Variants in HMGCLL1 observed in about 807,000 individuals in gnomAD.
HMGCLL1 encodes the protein 3-hydroxy-3-methylglutaryl-CoA lyase like 1.
Under a neutral mutation model 39.1 loss-of-function variants are expected in HMGCLL1, and 36 were observed. The ratio of observed to expected loss-of-function variants is 0.92; its 90% CI spans 0.71 to 1.22. HMGCLL1 has a LOEUF of 1.22. Ranked by LOEUF, HMGCLL1 falls within the 50% of genes most tolerant of loss-of-function variation. HMGCLL1 has a pLI of 0.00. For missense variants in HMGCLL1, 451 were observed against 416.5 expected, an observed-to-expected ratio of 1.08 and a Z score of -0.72; for synonymous variants, 149 against 144.0, an observed-to-expected ratio of 1.03 and a Z score of -0.25.
chr6:55,479,521 A>G (rs1340399920), intron 7 of HMGCLL1, among the ~76,000 whole-genome samples: 5 of 151,478 alleles, frequency 3.3e-5, no homozygotes, highest in Non-Finnish European at 7.4e-5. Context: ...TGCCACTCTC[A>G]TCCTACCTTT....
At chr6:55,670,528 A>G in the HMGCLL1 span, among the ~76,000 whole-genome samples, 1 of 151,878 alleles carries the variant, frequency 6.6e-6, no homozygotes, top group Non-Finnish European at 1.5e-5. Flanking sequence ...GATTGTCAAT[A>G]TATGTAGATG....
At chr6:55,651,829 G>T in the HMGCLL1 span, among the ~76,000 whole-genome samples, 5 of 152,216 alleles carry the variant, frequency 3.3e-5, no homozygotes, top group African/African-American at 1.2e-4. Context: ...ATGTACAGGT[G>T]CTGGCTTAGC....
chr6:55,674,405 A>G, the HMGCLL1 span, among the ~76,000 whole-genome samples: 1 of 151,956 alleles, frequency 6.6e-6, no homozygotes, highest in Non-Finnish European at 1.5e-5. Context: ...TTAAAAAAAA[A>G]AAGAAAAAAA....
intron 1 of HMGCLL1, among the ~76,000 whole-genome samples, chr6:55,547,974 T>C (rs1196637074): frequency 6.6e-6 from 1 of 151,994 alleles, no homozygotes. Context: ...GAAAGGTGAC[T>C]CAACAAAGCT....
the HMGCLL1 span, among the ~76,000 whole-genome samples, chr6:55,616,760 TAAAC>T: frequency 3.3e-5 from 5 of 152,048 alleles, no homozygotes; most frequent in African/African-American, 1.2e-4. Flanking sequence ...TTTAAAAAAT[TAAAC>T]AAACTAGAAG....
intron 7 of HMGCLL1, among the ~76,000 whole-genome samples, chr6:55,471,146 G>T (rs1472423541): frequency 4.0e-5 from 6 of 151,688 alleles, no homozygotes; most frequent in Non-Finnish European, 8.8e-5. Flanking sequence ...TGGTAAATTT[G>T]TCTTTTTTTG....
chr6:55,478,213 A>G (rs957592128), intron 7 of HMGCLL1, among the ~76,000 whole-genome samples: 2 of 151,060 alleles, frequency 1.3e-5, no homozygotes, highest in Non-Finnish European at 2.9e-5. Flanking sequence ...TGCTACATGT[A>G]TAATATTTTG....
chr6:55,554,429 G>T (rs1770539953), intron 1 of HMGCLL1, among the ~76,000 whole-genome samples: 1 of 151,848 alleles, frequency 6.6e-6, no homozygotes, highest in Admixed American at 6.6e-5. Context: ...CACAGGATAA[G>T]GTTTGAATTG....
At chr6:55,585,606 T>A in the HMGCLL1 span, among the ~76,000 whole-genome samples, 1 of 152,104 alleles carries the variant, frequency 6.6e-6, no homozygotes, top group Non-Finnish European at 1.5e-5. Flanking sequence ...CACTATCAAT[T>A]ATAATTATAA....
At chr6:55,556,449 C>G (rs1268584668) in intron 1 of HMGCLL1, among the ~76,000 whole-genome samples, 2 of 151,884 alleles carry the variant, frequency 1.3e-5, no homozygotes, top group African/African-American at 4.8e-5. Context: ...GGAAATGTGC[C>G]CAGGGTGTTA....
intron 8 of HMGCLL1, among the ~76,000 whole-genome samples, chr6:55,438,736 A>C (rs1214519666): frequency 2.0e-5 from 3 of 152,112 alleles, no homozygotes; most frequent in Non-Finnish European, 4.4e-5. Flanking sequence ...GAGTAAAAAA[A>C]TTCATTTTAC....
the HMGCLL1 span, among the ~76,000 whole-genome samples, chr6:55,652,950 A>G: frequency 6.6e-6 from 1 of 152,222 alleles, no homozygotes; most frequent in African/African-American, 2.4e-5. Context: ...GCTCACCTGA[A>G]TAAACAACTA....
chr6:55,628,188 A>AAATATATATAGTATATATAC, the HMGCLL1 span, among the ~76,000 whole-genome samples: 56 of 83,932 alleles, frequency 6.7e-4, 1 homozygote, highest in African/African-American at 2.6e-3. Context: ...TATATATAAT[A>AAATATATATAGTATATATAC]TATATATATA....
At chr6:55,636,159 TA>T in the HMGCLL1 span, among the ~76,000 whole-genome samples, 2 of 152,128 alleles carry the variant, frequency 1.3e-5, no homozygotes, top group African/African-American at 4.8e-5. Context: ...CCTACACACA[TA>T]TTAATAAAGT....
chr6:55,543,344 T>C (rs1166420976), intron 1 of HMGCLL1, among the ~76,000 whole-genome samples: 3 of 9,660 alleles, frequency 3.1e-4, no homozygotes, highest in South Asian at 3.4e-3. Context: ...TCATATATGA[T>C]ATATAATATG....
the HMGCLL1 span, among the ~76,000 whole-genome samples, chr6:55,638,506 G>T: frequency 6.6e-6 from 1 of 151,370 alleles, no homozygotes; most frequent in African/African-American, 2.4e-5. Context: ...AATGACAAAA[G>T]CTTAGTTTAG....
intron 8 of HMGCLL1, among the ~76,000 whole-genome samples, chr6:55,436,705 T>C (rs985410083): frequency 6.6e-6 from 1 of 152,006 alleles, no homozygotes; most frequent in African/African-American, 2.4e-5. Context: ...TTTCATAAAA[T>C]AGACAAGTAT....
intron 1 of HMGCLL1, chr6:55,563,928 G>T: frequency 4.8e-6 from 6 of 1,255,804 alleles, no homozygotes; most frequent in Non-Finnish European, 6.3e-6. Flanking sequence ...TGGAGAGGAG[G>T]AATGAGGAGC....
the HMGCLL1 span, among the ~76,000 whole-genome samples, chr6:55,648,484 A>G: frequency 3.2e-5 from 3 of 94,492 alleles, no homozygotes; most frequent in Non-Finnish European, 6.2e-5. Context: ...CTAATAAAGA[A>G]AAAAAGAGAG....
Sources: allele counts gnomAD v4.1 joint callset (sites outside exome capture counted in the v4.1 genomes callset), GRCh38; gene constraint gnomAD v4.1.1; transcripts MANE v1.5; gene names NCBI Gene and HGNC (gene_info 2026-07-23, HGNC 2026-07-21).